FREM2: variants seen among roughly 807,000 people sequenced by gnomAD.
FREM2 encodes FRAS1-related extracellular matrix protein 2.
FREM2 carries 119 observed loss-of-function variants against 219.9 expected under a neutral mutation model. That is an observed-to-expected ratio of 0.54 (90% CI 0.47 to 0.63). The LOEUF is 0.63. Among genes scored for constraint, FREM2 ranks in the 30% least tolerant of loss-of-function variants. The pLI is 0.00. For synonymous variants in FREM2, 1,562 were observed against 1,522.8 expected (o/e 1.03, Z -0.60); for missense variants, 4,030 against 3,993.6 (o/e 1.01, Z -0.25).
intron 2 of FREM2, among the ~76,000 whole-genome samples, chr13:38,757,231 A>G (rs1873048226): frequency 6.6e-6 from 1 of 152,176 alleles, no homozygotes; most frequent in Non-Finnish European, 1.5e-5. Context: ...ATATGTAACC[A>G]TATCATGTCC....
At chr13:38,844,804 T>C (rs1193506643) in intron 6 of FREM2, among the ~76,000 whole-genome samples, 2 of 152,216 alleles carry the variant, frequency 1.3e-5, no homozygotes, top group Non-Finnish European at 2.9e-5. Context: ...GCCTCTGTGA[T>C]AGTTACGGAA....
rs1489880344 is a variant in FREM2 at position 38,688,085 on chromosome 13, C to T, written c.741C>T (p.Gly247=). 1.9e-6 allele frequency: 3 copies of T among 1,608,900 alleles called. No individual in the cohort carries two copies. Among genetic ancestry groups the T allele is most frequent in the Non-Finnish European group, 1.7e-6 (2 of 1,176,086 alleles). The change falls in exon 1 of 24, where the codon GGC becomes GGT. Residue 247 remains glycine (G), a synonymous_variant. Transcript: ENST00000280481. ...PQVPGGAREG[G]APETLLMDCK... Reference sequence around the variant, plus strand: ...TCCCTGGAGGAGCCAGAGAGGGAGGCGCCCCGGAGACTCTCCTGATGGACT... The same window carrying T: ...TCCCTGGAGGAGCCAGAGAGGGAGGTGCCCCGGAGACTCTCCTGATGGACT...
intron 4 of FREM2, among the ~76,000 whole-genome samples, chr13:38,775,919 C>G (rs776699286): frequency 6.3e-4 from 96 of 152,106 alleles, no homozygotes; most frequent in African/African-American, 9.7e-5. Context: ...ACACCTTGCC[C>G]CAAAGATTCA....
At chr13:38,870,756 A>G (rs1283251339) in intron 16 of FREM2, among the ~76,000 whole-genome samples, 1 of 152,170 alleles carries the variant, frequency 6.6e-6, no homozygotes, top group Non-Finnish European at 1.5e-5. Context: ...AAATAAAATC[A>G]AATCAGAATT....
At chr13:38,863,788 G>C (rs915094548) in intron 15 of FREM2, among the ~76,000 whole-genome samples, 3 of 152,100 alleles carry the variant, frequency 2.0e-5, no homozygotes, top group African/African-American at 7.2e-5. Flanking sequence ...TTTTCCTGGG[G>C]AACCCCAGGG....
At chr13:38,775,897 G>A (rs1381742050) in intron 4 of FREM2, among the ~76,000 whole-genome samples, 1 of 152,186 alleles carries the variant, frequency 6.6e-6, no homozygotes, top group Non-Finnish European at 1.5e-5. Context: ...GGGACTATAG[G>A]TGTGAGCCAC....
intron 2 of FREM2, among the ~76,000 whole-genome samples, chr13:38,721,837 ACTC>A (rs773226188): frequency 5.9e-5 from 9 of 152,174 alleles, no homozygotes; most frequent in Non-Finnish European, 1.2e-4. Context: ...CAGAAATTAA[ACTC>A]CTGATAATAT....
chr13:38,783,809 T>C (rs867993173), intron 5 of FREM2, among the ~76,000 whole-genome samples: 27 of 152,260 alleles, frequency 1.8e-4, no homozygotes, highest in Middle Eastern at 3.4e-3. Context: ...AAAAGCCGAC[T>C]TCAGAGGCCG....
At chr13:38,828,003 A>T (rs1229463912) in intron 6 of FREM2, among the ~76,000 whole-genome samples, 3 of 152,196 alleles carry the variant, frequency 2.0e-5, no homozygotes, top group Admixed American at 2.0e-4. Flanking sequence ...AGTACCAAGA[A>T]GGAGTCTTGT....
At chr13:38,874,890 T>G (rs938240302) in intron 18 of FREM2, among the ~76,000 whole-genome samples, 32 of 152,236 alleles carry the variant, frequency 2.1e-4, no homozygotes, top group Non-Finnish European at 3.8e-4. Context: ...ATCATTTCTT[T>G]CTCTGCTTTG....
At chr13:38,783,728 A>G (rs1874213962) in intron 5 of FREM2, among the ~76,000 whole-genome samples, 3 of 152,262 alleles carry the variant, frequency 2.0e-5, no homozygotes, top group Admixed American at 2.0e-4. Flanking sequence ...ATATGCTGAT[A>G]TCAGAGTAGA....
intron 6 of FREM2, among the ~76,000 whole-genome samples, chr13:38,825,280 A>G (rs770056033): frequency 6.6e-6 from 1 of 152,062 alleles, no homozygotes; most frequent in Non-Finnish European, 1.5e-5. Flanking sequence ...TGCCTGATCC[A>G]TAATAGGTGT....
Position 38,688,930 on chromosome 13 carries a change from G to T in FREM2, c.1586G>T (p.Ser529Ile). The change falls in exon 1 of 24, where the codon AGC (serine) becomes ATC (isoleucine). Residue 529 changes from serine (S) to isoleucine (I), a missense_variant. By Grantham distance (142) the Ser-to-Ile change is moderately radical (BLOSUM62 -2). This residue lies in a region of FREM2 where 3,102 missense variants were observed against 2,950.7 expected (regional missense o/e 1.05). Coordinates refer to ENST00000280481, the MANE Select transcript of FREM2 (RefSeq NM_207361.6). ...YQHDDRDGSL[S>I]DNLVLRMVDG... ...CATGATGACAGAGACGGCTCGCTGA[G>T]CGACAACCTGGTGCTTCGCATGGTG... 1.9e-6 allele frequency: 3 copies of T among 1,612,798 alleles called. No individual in the cohort carries two copies. The highest frequency in any genetic ancestry group is 2.5e-6 in the Non-Finnish European group (3 of 1,179,358).
intron 16 of FREM2, among the ~76,000 whole-genome samples, chr13:38,868,305 A>G (rs1878040840): frequency 6.6e-6 from 1 of 152,234 alleles, no homozygotes; most frequent in Non-Finnish European, 1.5e-5. Flanking sequence ...TGATAGTTGT[A>G]ATAGCTTACA....
Position 38,691,779 on chromosome 13 carries a change from A to G in FREM2, c.4435A>G (p.Ile1479Val), listed in dbSNP as rs1026356637. Residue 1479 changes from isoleucine to valine, a missense_variant, in exon 1 of 24, where the codon ATC (isoleucine) becomes GTC (valine). Transcript: ENST00000280481. ...LECTDQPGVSITSFTQLQLAG... is the reference protein window; with the variant it reads ...LECTDQPGVSVTSFTQLQLAG... ...ATGCACGGATCAGCCTGGTGTGTCC[A>G]TCACGTCTTTCACTCAGCTGCAACT... The G allele has an allele frequency of 6.8e-6, 11 of 1,614,070 alleles. No individual in the cohort carries two copies. The highest frequency in any genetic ancestry group is 2.7e-5 in the African/African-American group (2 of 74,928).
intron 2 of FREM2, among the ~76,000 whole-genome samples, chr13:38,747,519 CACAT>C (rs1015700390): frequency 2.0e-5 from 3 of 146,902 alleles, no homozygotes; most frequent in Non-Finnish European, 3.0e-5. Context: ...CACACACACA[CACAT>C]TTATGTGTTT....
intron 4 of FREM2, among the ~76,000 whole-genome samples, chr13:38,775,249 G>C (rs753661939): frequency 1.3e-5 from 2 of 152,156 alleles, no homozygotes; most frequent in Non-Finnish European, 2.9e-5. Flanking sequence ...GACATAAGGA[G>C]GTCACTGGCT....
At chr13:38,694,052 C>G (rs1870008056) in intron 1 of FREM2, among the ~76,000 whole-genome samples, 2 of 152,102 alleles carry the variant, frequency 1.3e-5, no homozygotes, top group South Asian at 4.1e-4. Flanking sequence ...AAAAAGAAAT[C>G]TGATTTAGAG....
intron 6 of FREM2, among the ~76,000 whole-genome samples, chr13:38,843,440 C>CAAA (rs35771970): frequency 0.088 from 12,281 of 140,274 alleles, 703 homozygotes; most frequent in Admixed American, 0.19. Flanking sequence ...GTTTCTAGGC[C>CAAA]AAAAAAAAAA....
Sources: gnomAD v4.1 joint callset for allele counts (sites outside exome capture counted in the v4.1 genomes callset) on GRCh38, gnomAD v4.1.1 for gene constraint, gnomAD v4.1.1 regional missense constraint, MANE v1.5 for transcripts, NCBI Gene and HGNC (gene_info 2026-07-23, HGNC 2026-07-21) for gene names.